Variants in MGAT4C observed in about 807,000 individuals in gnomAD.
MGAT4C encodes the protein alpha-1,3-mannosyl-glycoprotein 4-beta-N-acetylglucosaminyltransferase C.
In MGAT4C, 19 loss-of-function variants were observed where a neutral mutation model predicts 40.1. That is an observed-to-expected ratio of 0.47 (90% CI 0.33 to 0.70). The LOEUF is 0.70. Among genes scored for constraint, MGAT4C ranks in the 30% least tolerant of loss-of-function variants. The probability of loss-of-function intolerance (pLI) is 0.02; values close to 1 mark genes in which losing one functional copy is unlikely to be tolerated. For missense variants in MGAT4C, 491 were observed against 563.2 expected, an observed-to-expected ratio of 0.87 and a Z score of 1.30; for synonymous variants, 181 against 187.1, an observed-to-expected ratio of 0.97 and a Z score of 0.27.
At chr12:86,758,390 T>TAA (rs5799793) in intron 1 of MGAT4C, among the ~76,000 whole-genome samples, 3 of 129,304 alleles carry the variant, frequency 2.3e-5, no homozygotes, top group Admixed American at 8.1e-5. Context: ...TTTTTTTTTT[T>TAA]AAAAAAAAGA....
intron 4 of MGAT4C, among the ~76,000 whole-genome samples, chr12:86,299,796 A>G (rs7138352): frequency 0.067 from 10,267 of 152,168 alleles, 824 homozygotes; most frequent in East Asian, 0.24. Flanking sequence ...AGTATATTTT[A>G]CTTCTGTGTG....
At chr12:86,136,907 C>G (rs1005034110) in intron 1 of MGAT4C, among the ~76,000 whole-genome samples, 1 of 152,026 alleles carries the variant, frequency 6.6e-6, no homozygotes, top group Non-Finnish European at 1.5e-5. Flanking sequence ...AGGCTGGTCT[C>G]GAACTCCTAA....
At chr12:86,163,317 G>T (rs377090319) in intron 1 of MGAT4C, among the ~76,000 whole-genome samples, 1 of 151,286 alleles carries the variant, frequency 6.6e-6, no homozygotes, top group Non-Finnish European at 1.5e-5. Flanking sequence ...TCTGCCTCTC[G>T]AGTAGCTAGG....
chr12:86,710,088 C>T (rs1950531055), intron 2 of MGAT4C, among the ~76,000 whole-genome samples: 1 of 152,120 alleles, frequency 6.6e-6, no homozygotes, highest in Non-Finnish European at 1.5e-5. Context: ...CCATAAAAAT[C>T]TGAAGAACTC....
At chr12:86,110,665 A>C (rs951270543) in intron 1 of MGAT4C, among the ~76,000 whole-genome samples, 1 of 151,584 alleles carries the variant, frequency 6.6e-6, no homozygotes, top group Non-Finnish European at 1.5e-5. Context: ...TTCTCTAAAA[A>C]GTATGTATTT....
chr12:86,038,603 T>A (rs1457348453), intron 2 of MGAT4C, among the ~76,000 whole-genome samples: 1 of 149,464 alleles, frequency 6.7e-6, no homozygotes, highest in African/African-American at 2.4e-5. Context: ...TATTCCTCCA[T>A]CCCTTTATTT....
chr12:86,324,474 C>T, intron 4 of MGAT4C, among the ~76,000 whole-genome samples: 1 of 150,890 alleles, frequency 6.6e-6, no homozygotes, highest in South Asian at 2.1e-4. Flanking sequence ...TTTATTATTG[C>T]TTTTAATTTA....
At chr12:86,148,560 C>T (rs1429272673) in intron 1 of MGAT4C, among the ~76,000 whole-genome samples, 3 of 152,114 alleles carry the variant, frequency 2.0e-5, no homozygotes, top group African/African-American at 7.2e-5. Flanking sequence ...CCAATTATTG[C>T]ACTTCAAAAA....
intron 2 of MGAT4C, among the ~76,000 whole-genome samples, chr12:86,545,354 G>A (rs555091800): frequency 2.6e-5 from 4 of 151,974 alleles, no homozygotes; most frequent in African/African-American, 9.6e-5. Flanking sequence ...AATATGAAAT[G>A]GTAATTTTGA....
At chr12:86,310,107 G>A (rs911825620) in intron 4 of MGAT4C, among the ~76,000 whole-genome samples, 5 of 150,638 alleles carry the variant, frequency 3.3e-5, no homozygotes, top group African/African-American at 1.2e-4. Context: ...TGAGCTAAGG[G>A]CAAGATGAGG....
intron 2 of MGAT4C, among the ~76,000 whole-genome samples, chr12:86,647,059 C>T (rs1427673790): frequency 6.6e-6 from 1 of 151,820 alleles, no homozygotes; most frequent in East Asian, 1.9e-4. Flanking sequence ...AAAACAGCCT[C>T]ATGGAAGATG....
At position 86,365,901 on chromosome 12, in the gene MGAT4C, A is replaced by G. The variant is rs944761931; in HGVS notation, c.-119-31774T>C. Reference sequence around the variant, plus strand: ...GTTTTAGTTCCAAATAAATTTTAGAATAGGTTTTTCTAGTTCTGTGGAAAA... The same window carrying G: ...GTTTTAGTTCCAAATAAATTTTAGAGTAGGTTTTTCTAGTTCTGTGGAAAA... On this transcript the variant is annotated intron_variant, in intron 3 of 7. Transcript: ENST00000548651. Among the ~76,000 whole-genome samples the G allele has an allele frequency of 2.0e-5, 3 of 152,224 alleles. No homozygotes were observed. In the East Asian group the frequency reaches 5.8e-4, roughly 29 times the overall value.
chr12:86,229,865 A>G (rs1444326916), intron 1 of MGAT4C, among the ~76,000 whole-genome samples: 3 of 152,074 alleles, frequency 2.0e-5, no homozygotes, highest in Non-Finnish European at 2.9e-5. Flanking sequence ...AAAAAACACA[A>G]TATGGATATG....
intron 1 of MGAT4C, among the ~76,000 whole-genome samples, chr12:86,182,884 T>C (rs1242267530): frequency 1.3e-5 from 2 of 152,176 alleles, no homozygotes; most frequent in Admixed American, 6.5e-5. Flanking sequence ...TAGGGATACA[T>C]AGATCTCCTA....
chr12:86,678,959 T>C (rs1347980726), intron 2 of MGAT4C, among the ~76,000 whole-genome samples: 1 of 152,106 alleles, frequency 6.6e-6, no homozygotes, highest in African/African-American at 2.4e-5. Flanking sequence ...ATGGGATGGC[T>C]GGGTCAAATG....
chr12:85,965,493 A>C lies in MGAT4C; in HGVS notation c.*13796T>G, dbSNP rs527252575. On this transcript the variant is annotated 3_prime_UTR_variant, in exon 5 of 5. Transcript: ENST00000611864. ...GCGCCTGTACTCCCAGCTACTCGGG[A>C]GGCTGAGGCAGGAGAATGGCGTGAC... is the stretch of plus-strand genomic sequence containing the variant. 2.7e-5 allele frequency: 4 copies of C among 147,212 alleles called. No individual in the cohort carries two copies. The highest frequency in any genetic ancestry group is 1.0e-4 in the African/African-American group (4 of 39,934). 9.1% of individuals were successfully genotyped at this position (147,212 alleles called of 1,614,324 possible). A position where few individuals can be genotyped will look rare whatever the true frequency, so the allele number is the denominator to read the frequency against.
At chr12:86,382,440 C>T (rs374434602) in intron 3 of MGAT4C, among the ~76,000 whole-genome samples, 1 of 152,088 alleles carries the variant, frequency 6.6e-6, no homozygotes, top group African/African-American at 2.4e-5. Flanking sequence ...GGAAGCAGAG[C>T]ATAAAAGTTC....
intron 1 of MGAT4C, among the ~76,000 whole-genome samples, chr12:86,082,105 C>T (rs1267544206): frequency 6.6e-6 from 1 of 152,104 alleles, no homozygotes; most frequent in Non-Finnish European, 1.5e-5. Context: ...CATGCATAAG[C>T]ACTTCATAAG....
chr12:86,592,424 A>T (rs1269002287), intron 2 of MGAT4C, among the ~76,000 whole-genome samples: 4 of 152,052 alleles, frequency 2.6e-5, no homozygotes, highest in Non-Finnish European at 5.9e-5. Context: ...TATAATTTAT[A>T]TAAAAGTGTT....
Sources: gnomAD v4.1 joint callset for allele counts (sites outside exome capture counted in the v4.1 genomes callset) on GRCh38, gnomAD v4.1.1 for gene constraint, MANE v1.5 for transcripts, NCBI Gene and HGNC (gene_info 2026-07-23, HGNC 2026-07-21) for gene names.